Variants in DLC1 observed in about 807,000 individuals in gnomAD.
DLC1 encodes rho GTPase-activating protein 7.
Under a neutral mutation model 140.3 loss-of-function variants are expected in DLC1, and 54 were observed. The ratio of observed to expected loss-of-function variants is 0.38; its 90% CI spans 0.31 to 0.48. The LOEUF is 0.48. Among genes scored for constraint, DLC1 ranks in the 20% least tolerant of loss-of-function variants. The pLI is 0.96. For synonymous variants in DLC1, 986 were observed against 728.1 expected (o/e 1.35, Z -5.70); for missense variants, 2,536 against 1,907.0 (o/e 1.33, Z -6.14).
chr8:13,453,563 T>A (rs1799256126), intron 2 of DLC1, among the ~76,000 whole-genome samples: 3 of 109,522 alleles, frequency 2.7e-5, no homozygotes, highest in African/African-American at 7.9e-5. Flanking sequence ...TATATTTTTT[T>A]TTTTTTTTTT....
At chr8:13,310,157 T>C (rs1055071721) in intron 4 of DLC1, among the ~76,000 whole-genome samples, 1 of 152,188 alleles carries the variant, frequency 6.6e-6, no homozygotes, top group Admixed American at 6.5e-5. Flanking sequence ...CAAATTTATT[T>C]TTTTGTCCTG....
chr8:13,094,676 AG>A, intron 12 of DLC1, 82 bp downstream of exon 12: 9 of 1,492,662 alleles, frequency 6.0e-6, no homozygotes, highest in Non-Finnish European at 8.3e-6. Context: ...AAAAAAAAAA[AG>A]AATGCTATCA....
chr8:13,540,943 T>C (rs996289459), intron 1 of DLC1, among the ~76,000 whole-genome samples: 2 of 152,236 alleles, frequency 1.3e-5, no homozygotes, highest in Non-Finnish European at 2.9e-5. Flanking sequence ...TGTTAAGCCA[T>C]ACCACAATTC....
chr8:13,288,165 T>C (rs111948496), intron 5 of DLC1, among the ~76,000 whole-genome samples: 1 of 152,218 alleles, frequency 6.6e-6, no homozygotes, highest in Admixed American at 6.5e-5. Flanking sequence ...GTATACTTAT[T>C]AAAAGTTTGT....
At chr8:13,105,806 G>T (rs1005143002) in intron 7 of DLC1, among the ~76,000 whole-genome samples, 1 of 152,094 alleles carries the variant, frequency 6.6e-6, no homozygotes, top group Non-Finnish European at 1.5e-5. Flanking sequence ...TCGACCTCCT[G>T]AGCTCAGGCA....
chr8:13,103,809 C>A (rs1463086831), intron 7 of DLC1, among the ~76,000 whole-genome samples: 12 of 130,448 alleles, frequency 9.2e-5, no homozygotes, highest in Admixed American at 7.0e-4. Flanking sequence ...CACTGCACTC[C>A]AGCCTGGGCA....
chr8:13,357,728 G>A (rs1671430), intron 4 of DLC1, among the ~76,000 whole-genome samples: 101,121 of 152,122 alleles, frequency 0.66, 34,047 homozygotes, highest in East Asian at 0.84. Flanking sequence ...GAGAATTACA[G>A]TAGTTGAGAT....
intron 1 of DLC1, among the ~76,000 whole-genome samples, chr8:13,589,932 G>T (rs1377103954): frequency 6.6e-6 from 1 of 151,664 alleles, no homozygotes; most frequent in Non-Finnish European, 1.5e-5. Flanking sequence ...GTTCACAGCT[G>T]CTATCTGTGT....
At chr8:13,317,355 T>C (rs1832900786) in intron 4 of DLC1, among the ~76,000 whole-genome samples, 1 of 152,206 alleles carries the variant, frequency 6.6e-6, no homozygotes, top group African/African-American at 2.4e-5. Flanking sequence ...AATTTGAACA[T>C]TCAACATAAA....
At chr8:13,556,817 T>G (rs1804063359) in intron 1 of DLC1, among the ~76,000 whole-genome samples, 1 of 152,216 alleles carries the variant, frequency 6.6e-6, no homozygotes, top group Non-Finnish European at 1.5e-5. Context: ...AGTAGCCAGA[T>G]CTATTGCTAG....
At chr8:13,479,776 G>A (rs139657963) in intron 2 of DLC1, among the ~76,000 whole-genome samples, 2,551 of 125,624 alleles carry the variant, frequency 0.02, 63 homozygotes, top group Admixed American at 0.026. Context: ...CAGAAAGAAA[G>A]AAAAGAAAAG....
At chr8:13,503,573 A>T (rs1418753428) in intron 1 of DLC1, among the ~76,000 whole-genome samples, 1 of 152,188 alleles carries the variant, frequency 6.6e-6, no homozygotes, top group Admixed American at 6.5e-5. Context: ...AGAAAAGAAG[A>T]GCTTGATAAT....
intron 1 of DLC1, among the ~76,000 whole-genome samples, chr8:13,597,814 A>T (rs1408821365): frequency 6.6e-6 from 1 of 152,138 alleles, no homozygotes; most frequent in Non-Finnish European, 1.5e-5. Flanking sequence ...CTGAGTAACA[A>T]ACAAACTTAT....
chr8:13,282,799 A>G (rs1475478059), intron 5 of DLC1, among the ~76,000 whole-genome samples: 3 of 152,192 alleles, frequency 2.0e-5, no homozygotes, highest in Admixed American at 6.5e-5. Context: ...GGTTATTGCA[A>G]TTCATACTAG....
chr8:13,238,246 T>C (rs1324627617), intron 5 of DLC1, among the ~76,000 whole-genome samples: 1 of 151,994 alleles, frequency 6.6e-6, no homozygotes, highest in African/African-American at 2.4e-5. Context: ...TCTGCAATAA[T>C]ATAAAACTAA....
chr8:13,228,724 A>G (rs1828912142), intron 5 of DLC1, among the ~76,000 whole-genome samples: 2 of 152,348 alleles, frequency 1.3e-5, no homozygotes, highest in South Asian at 4.1e-4. Flanking sequence ...AGCCTGTGCA[A>G]CAGAGCAAGA....
chr8:13,405,879 C>T (rs553387257), intron 2 of DLC1, among the ~76,000 whole-genome samples: 94 of 113,938 alleles, frequency 8.3e-4, no homozygotes, highest in African/African-American at 2.9e-3. Flanking sequence ...TTTCTTTTTT[C>T]TTTTCTTTTC....
chr8:13,255,097 CT>C (rs1830164422), intron 5 of DLC1, among the ~76,000 whole-genome samples: 1 of 152,074 alleles, frequency 6.6e-6, no homozygotes, highest in African/African-American at 2.4e-5. Context: ...CTGCCTCAGC[CT>C]CCCCAGTAGC....
At chr8:13,186,096 C>A (rs1826355015) in intron 5 of DLC1, among the ~76,000 whole-genome samples, 1 of 152,164 alleles carries the variant, frequency 6.6e-6, no homozygotes, top group Admixed American at 6.5e-5. Context: ...TTCTGCATTT[C>A]AACCTTGGTG....
Sources: allele counts gnomAD v4.1 joint callset (sites outside exome capture counted in the v4.1 genomes callset), GRCh38; gene constraint gnomAD v4.1.1; transcripts MANE v1.5; gene names NCBI Gene and HGNC (gene_info 2026-07-23, HGNC 2026-07-21).